Variants in SUMF1 observed in about 807,000 individuals in gnomAD.
The protein encoded by SUMF1 is formylglycine-generating enzyme.
A neutral mutation model predicts 47.6 loss-of-function variants in SUMF1; 48 were observed. The ratio of observed to expected loss-of-function variants is 1.01; its 90% CI spans 0.80 to 1.28. The LOEUF is 1.28. Among genes scored for constraint, SUMF1 ranks in the 50% most tolerant of loss-of-function variants. SUMF1 has a pLI of 0.00. For missense variants in SUMF1, 571 were observed against 485.4 expected (o/e 1.18, Z -1.66); for synonymous variants, 230 against 192.1 (o/e 1.20, Z -1.63).
chr3:4,392,010 T>C (rs1249961089), intron 7 of SUMF1, among the ~76,000 whole-genome samples: 1 of 151,994 alleles, frequency 6.6e-6, no homozygotes, highest in South Asian at 2.1e-4. Flanking sequence ...TTATTTCTTG[T>C]AGAGACATGG....
chr3:4,151,551 G>GAA (rs1553604142), intron 8 of SUMF1, among the ~76,000 whole-genome samples: 1 of 87,966 alleles, frequency 1.1e-5, no homozygotes, highest in East Asian at 3.4e-4. Flanking sequence ...ATATGTGTGT[G>GAA]TATATACACA....
chr3:4,115,412 A>C (rs1305511597), intron 8 of SUMF1, among the ~76,000 whole-genome samples: 1 of 152,158 alleles, frequency 6.6e-6, no homozygotes, highest in African/African-American at 2.4e-5. Flanking sequence ...GCAATAAGGC[A>C]GAGGGCCTAA....
chr3:4,208,735 C>A lies in SUMF1; in HGVS notation c.1015-139990G>T, dbSNP rs191359148. Among the ~76,000 whole-genome samples, 260 of 151,972 alleles carry A rather than the reference C, an allele frequency of 1.7e-3. 2 individuals carry two copies. The highest frequency in any genetic ancestry group is 3.7e-3 in the Admixed American group (57 of 15,248). On this transcript the variant is annotated intron_variant and NMD_transcript_variant, in intron 8 of 12. Coordinates refer to the SUMF1 transcript ENST00000448413. ...GACTGGACGTGACTAAGGAAAAAAACCCCAAGCTTGAGTATGTGACAATAG... is the reference window on the plus strand; with the variant it reads ...GACTGGACGTGACTAAGGAAAAAAAACCCAAGCTTGAGTATGTGACAATAG...
At chr3:4,170,976 T>C (rs187179804) in intron 8 of SUMF1, among the ~76,000 whole-genome samples, 1 of 152,196 alleles carries the variant, frequency 6.6e-6, no homozygotes, top group Non-Finnish European at 1.5e-5. Flanking sequence ...AAGGTGGCAA[T>C]GTAGTGCTCT....
chr3:4,086,925 T>C (rs944036001), intron 8 of SUMF1, among the ~76,000 whole-genome samples: 5 of 152,138 alleles, frequency 3.3e-5, no homozygotes, highest in African/African-American at 7.2e-5. Context: ...TCCTCAGCCA[T>C]GTGGAACTGT....
chr3:4,153,744 C>T (rs73118419), intron 8 of SUMF1, among the ~76,000 whole-genome samples: 1,630 of 151,548 alleles, frequency 0.011, 94 homozygotes, highest in African/African-American at 0.038. Flanking sequence ...TATTGTAAAA[C>T]ATATTCCATT....
At chr3:4,418,171 T>C in intron 4 of SUMF1, 39 bp from the exon 5 acceptor site, 1 of 1,613,256 alleles carries the variant, frequency 6.2e-7, no homozygotes, top group Non-Finnish European at 8.5e-7. Flanking sequence ...GTGACACCAA[T>C]CAGAACAAGA....
In SUMF1 at chr3:4,353,454, G is replaced by A. The variant is rs375662506; in HGVS notation, c.1014+22876C>T. ...TTTTTAGTAGAGACGGGGTTTCACC[G>A]TGTTAGCCAGGATGGTCTCGATCTC... On this transcript the variant is annotated intron_variant and NMD_transcript_variant, in intron 8 of 12. Transcript: ENST00000448413. 6.7e-3 allele frequency among the ~76,000 whole-genome samples: 1,025 copies of A among 152,122 alleles called. 13 individuals are homozygous for A. Among genetic ancestry groups the A allele is most frequent in the African/African-American group, 0.022 (924 of 41,488 alleles).
chr3:4,215,457 T>C (rs1695901284), intron 8 of SUMF1, among the ~76,000 whole-genome samples: 1 of 152,164 alleles, frequency 6.6e-6, no homozygotes, highest in Non-Finnish European at 1.5e-5. Context: ...GGGCAAAAGC[T>C]GAAAGCATTC....
intron 8 of SUMF1, chr3:4,313,888 C>CAGT: frequency 6.7e-7 from 1 of 1,482,036 alleles, no homozygotes; most frequent in Middle Eastern, 1.9e-4. Flanking sequence ...AGTTGTCCAT[C>CAGT]AGTATCCTTT....
chr3:4,335,222 C>T (rs1699121409), intron 8 of SUMF1, among the ~76,000 whole-genome samples: 2 of 152,134 alleles, frequency 1.3e-5, no homozygotes, highest in African/African-American at 2.4e-5. Context: ...ATGCATTTTC[C>T]ACCTTTAAAC....
intron 8 of SUMF1, among the ~76,000 whole-genome samples, chr3:4,174,501 C>G (rs1225444054): frequency 6.6e-6 from 1 of 151,722 alleles, no homozygotes; most frequent in Non-Finnish European, 1.5e-5. Context: ...CTCAGGAGTT[C>G]AAAGCCAGCC....
chr3:4,254,943 G>C (rs1220933645), intron 8 of SUMF1, among the ~76,000 whole-genome samples: 2 of 152,136 alleles, frequency 1.3e-5, no homozygotes, highest in Non-Finnish European at 2.9e-5. Context: ...AGCCAGAAGA[G>C]AGGGGGGGCC....
chr3:4,254,767 C>T (rs1696904207), intron 8 of SUMF1, among the ~76,000 whole-genome samples: 1 of 149,182 alleles, frequency 6.7e-6, no homozygotes, highest in Admixed American at 6.7e-5. Flanking sequence ...CAGAGAACGC[C>T]ACAAAGATAC....
chr3:4,180,464 G>A (rs1289699199), intron 8 of SUMF1, among the ~76,000 whole-genome samples: 2 of 151,720 alleles, frequency 1.3e-5, no homozygotes, highest in African/African-American at 4.8e-5. Flanking sequence ...AACACCACAT[G>A]TTCTCACTCA....
chr3:4,466,196 C>A (rs1215971196), intron 1 of SUMF1, among the ~76,000 whole-genome samples: 1 of 152,158 alleles, frequency 6.6e-6, no homozygotes, highest in East Asian at 1.9e-4. Context: ...ACTGCAACCT[C>A]CGCCTCCCGG....
At chr3:4,090,204 T>C (rs972825554) in intron 8 of SUMF1, among the ~76,000 whole-genome samples, 4 of 152,036 alleles carry the variant, frequency 2.6e-5, no homozygotes, top group Admixed American at 2.0e-4. Flanking sequence ...TCATTCAACA[T>C]TGTTTTGTTA....
chr3:4,453,864 T>G (rs897783875), intron 1 of SUMF1, among the ~76,000 whole-genome samples: 7 of 151,950 alleles, frequency 4.6e-5, no homozygotes, highest in African/African-American at 1.7e-4. Flanking sequence ...TGATGAGGTC[T>G]CACTATGTTG....
chr3:4,379,182 G>T (rs1700421203), intron 7 of SUMF1, among the ~76,000 whole-genome samples: 2 of 152,250 alleles, frequency 1.3e-5, no homozygotes, highest in African/African-American at 4.8e-5. Context: ...TACTAGGAGG[G>T]TGTAGTGGGT....
Sources: gnomAD v4.1 joint callset for allele counts (sites outside exome capture counted in the v4.1 genomes callset) on GRCh38, gnomAD v4.1.1 for gene constraint, MANE v1.5 for transcripts, NCBI Gene and HGNC (gene_info 2026-07-23, HGNC 2026-07-21) for gene names.